The following RASA3 variants were observed in gnomAD, a reference collection of about 807,000 sequenced individuals.
The protein encoded by RASA3 is ras GTPase-activating protein 3.
RASA3 carries 73 observed loss-of-function variants against 110.0 expected under a neutral mutation model. That is an observed-to-expected ratio of 0.66 (90% CI 0.55 to 0.81). RASA3 has a LOEUF of 0.81. RASA3 is among the 30% of genes least tolerant of loss of function. The pLI is 0.00. For missense variants in RASA3, 976 were observed against 1,113.2 expected, an observed-to-expected ratio of 0.88 and a Z score of 1.75; for synonymous variants, 500 against 451.4, an observed-to-expected ratio of 1.11 and a Z score of -1.37.
chr13:114,070,552 G>A (rs535278103), intron 2 of RASA3, among the ~76,000 whole-genome samples: 51 of 152,302 alleles, frequency 3.3e-4, no homozygotes, highest in African/African-American at 1.0e-3. Flanking sequence ...CTACAGGGGC[G>A]GCCAGCCCGC....
intron 22 of RASA3, among the ~76,000 whole-genome samples, chr13:113,989,767 C>T (rs953916537): frequency 2.0e-5 from 3 of 152,252 alleles, no homozygotes; most frequent in Admixed American, 2.0e-4. Context: ...AGCTGCCTGC[C>T]CCGCCATCTG....
intron 1 of RASA3, among the ~76,000 whole-genome samples, chr13:114,105,611 G>C (rs898075587): frequency 1.1e-4 from 17 of 152,174 alleles, no homozygotes; most frequent in Non-Finnish European, 2.4e-4. Flanking sequence ...GGCCAGCACT[G>C]ACCAGACGCT....
intron 18 of RASA3, among the ~76,000 whole-genome samples, chr13:114,002,530 T>C (rs2053429281): frequency 6.6e-6 from 1 of 152,144 alleles, no homozygotes. Flanking sequence ...CATGCCGGCC[T>C]CCTTGAGGGC....
chr13:114,040,240 C>A (rs553490176), intron 4 of RASA3, among the ~76,000 whole-genome samples: 287 of 151,308 alleles, frequency 1.9e-3, no homozygotes, highest in African/African-American at 6.7e-3. Flanking sequence ...CATGACAGAG[C>A]CTGCGCTCAC....
At chr13:114,107,033 G>A (rs1169604016) in intron 1 of RASA3, among the ~76,000 whole-genome samples, 1 of 152,226 alleles carries the variant, frequency 6.6e-6, no homozygotes, top group African/African-American at 2.4e-5. Context: ...GGCTTGGTGT[G>A]CACGCCCACA....
chr13:114,122,040 G>A (rs558891815), intron 1 of RASA3, among the ~76,000 whole-genome samples: 33 of 152,318 alleles, frequency 2.2e-4, no homozygotes, highest in East Asian at 1.5e-3. Flanking sequence ...GGGGCCCACC[G>A]CAAATCCCAG....
chr13:114,039,336 T>C (rs1474658327), intron 4 of RASA3, among the ~76,000 whole-genome samples: 1 of 147,228 alleles, frequency 6.8e-6, no homozygotes, highest in Non-Finnish European at 1.5e-5. Context: ...AGGGACGCTG[T>C]GCAGCAACCC....
At position 114,112,566 on chromosome 13, in the gene RASA3, G is replaced by A. The variant is rs1341379986; in HGVS notation, c.55+19869C>T. Reference sequence around the variant, plus strand: ...GGCCTGCCTCGAGCACTTCACACGCGTGCCCGGGGATGCTGGTGCTGCAGG... The same window carrying A: ...GGCCTGCCTCGAGCACTTCACACGCATGCCCGGGGATGCTGGTGCTGCAGG... On this transcript the variant is annotated intron_variant, in intron 1 of 23. Transcript: ENST00000334062. The surrounding 1 kb of genome is among the most constrained non-coding windows in gnomAD (Gnocchi z 4.8). Among the ~76,000 whole-genome samples, 32 of 152,146 alleles carry A rather than the reference G, an allele frequency of 2.1e-4. No homozygotes were observed. Among genetic ancestry groups the A allele is most frequent in the Admixed American group, 7.2e-4 (11 of 15,284 alleles).
At chr13:114,050,019 G>C (rs959933560) in intron 3 of RASA3, among the ~76,000 whole-genome samples, 1 of 152,232 alleles carries the variant, frequency 6.6e-6, no homozygotes, top group Admixed American at 6.5e-5. Flanking sequence ...CCTCAGGAGT[G>C]GGGTGCACAG....
chr13:114,010,556 T>A (rs1196188970), intron 16 of RASA3, among the ~76,000 whole-genome samples: 1 of 148,464 alleles, frequency 6.7e-6, no homozygotes, highest in Non-Finnish European at 1.5e-5. Flanking sequence ...GAGGTTCATA[T>A]CCACAGGGAG....
chr13:113,992,537 C>T lies in RASA3; in HGVS notation c.2193G>A (p.Glu731=), dbSNP rs1221884540. 2 of 1,613,552 alleles carry T rather than the reference C, an allele frequency of 1.2e-6. No homozygotes were observed. The highest frequency in any genetic ancestry group is 1.7e-6 in the Non-Finnish European group (2 of 1,179,978). The change falls in exon 22 of 24, where the codon GAG becomes GAA. Residue 731 remains glutamate, a synonymous_variant. Coordinates refer to ENST00000334062, the MANE Select transcript of RASA3 (RefSeq NM_007368.4). Reference sequence around the variant, plus strand: ...ACAAGTTGAAGAGGGAGTAGATACGCTCCGTCTCACGGTCCCCATCAATGT... The same window carrying T: ...ACAAGTTGAAGAGGGAGTAGATACGTTCCGTCTCACGGTCCCCATCAATGT... ...QLDIDGDRET[E]RIYSLFNLYM...
chr13:114,074,861 TG>T (rs2079641386), intron 1 of RASA3, among the ~76,000 whole-genome samples: 1 of 152,242 alleles, frequency 6.6e-6, no homozygotes, highest in Non-Finnish European at 1.5e-5. Context: ...GCTCGGAGCA[TG>T]CCCCAGCGGC....
intron 1 of RASA3, among the ~76,000 whole-genome samples, chr13:114,107,377 C>T (rs751043565): frequency 1.2e-4 from 18 of 152,200 alleles, no homozygotes; most frequent in Non-Finnish European, 1.2e-4. Context: ...GTCCTGCCTT[C>T]GTGCACCCTG....
intron 7 of RASA3, among the ~76,000 whole-genome samples, chr13:114,024,668 CGCCTGCTCTGG>C (rs1482661507): frequency 6.6e-6 from 1 of 152,250 alleles, no homozygotes; most frequent in Non-Finnish European, 1.5e-5. Flanking sequence ...CCGTCACCTG[CGCCTGCTCTGG>C]GCCTGCCACC....
chr13:114,024,436 C>T (rs2053990149), intron 7 of RASA3, 81 bp from the exon 8 acceptor site: 2 of 1,305,448 alleles, frequency 1.5e-6, no homozygotes, highest in Non-Finnish European at 2.2e-6. Flanking sequence ...CCCGGGCTGC[C>T]CTACCCTCTG....
At chr13:114,032,714 A>G (rs1594356807) in intron 4 of RASA3, among the ~76,000 whole-genome samples, 1 of 114,338 alleles carries the variant, frequency 8.7e-6, no homozygotes, top group Non-Finnish European at 1.7e-5. Flanking sequence ...GTCCCACGGC[A>G]CCCCTACACT....
intron 4 of RASA3, among the ~76,000 whole-genome samples, chr13:114,034,976 G>A (rs1016509258): frequency 6.6e-6 from 1 of 150,582 alleles, no homozygotes; most frequent in African/African-American, 2.5e-5. Flanking sequence ...GCTGACCTGA[G>A]CTTAGAGCAG....
chr13:114,005,314 C>T (rs547424452), intron 18 of RASA3, among the ~76,000 whole-genome samples: 7 of 152,310 alleles, frequency 4.6e-5, no homozygotes, highest in African/African-American at 9.6e-5. Context: ...GAGTGGGAGC[C>T]GGGCCACAGG....
rs1193032553 is a variant in RASA3, at chr13:114,063,269, T to C, written c.173+10451A>G. Among the ~76,000 whole-genome samples the C allele has an allele frequency of 5.9e-5, 9 of 151,730 alleles. No homozygotes were observed. In the South Asian group the frequency reaches 8.3e-4, roughly 14 times the overall value. ...TCCAGGAAACATCCTCCTGGAGTTTTTTCTCCAAAAATATAAAATAGAATA... is the reference window on the plus strand; with the variant it reads ...TCCAGGAAACATCCTCCTGGAGTTTCTTCTCCAAAAATATAAAATAGAATA... On this transcript the variant is annotated intron_variant, in intron 2 of 23. Transcript: ENST00000334062.
Sources: allele counts gnomAD v4.1 joint callset (sites outside exome capture counted in the v4.1 genomes callset), GRCh38; gene constraint gnomAD v4.1.1; non-coding constraint Gnocchi (gnomAD v3.1); transcripts MANE v1.5; gene names NCBI Gene and HGNC (gene_info 2026-07-23, HGNC 2026-07-21).